SOS1: variants seen among roughly 807,000 people sequenced by gnomAD.
SOS1 encodes the protein son of sevenless homolog 1.
In SOS1, 25 loss-of-function variants were observed where a neutral mutation model predicts 157.6. That is an observed-to-expected ratio of 0.16 (90% CI 0.12 to 0.22). The LOEUF (loss-of-function observed/expected upper bound fraction) is 0.22. Ranked by LOEUF, SOS1 falls within the 10% of genes least tolerant of loss-of-function variation. The pLI, the probability that SOS1 is intolerant of heterozygous loss-of-function variation, is 1.00. For synonymous variants in SOS1, 528 were observed against 534.0 expected, an observed-to-expected ratio of 0.99 and a Z score of 0.16; for missense variants, 1,237 against 1,599.1, an observed-to-expected ratio of 0.77 and a Z score of 3.86.
chr2:39,059,648 T>C (rs931703009), intron 2 of SOS1, among the ~76,000 whole-genome samples: 2 of 152,128 alleles, frequency 1.3e-5, no homozygotes, highest in African/African-American at 2.4e-5. Flanking sequence ...ATCATCATAA[T>C]TATAAATCTG....
chr2:39,035,148 G>C, intron 8 of SOS1, 64 bp downstream of exon 8: 1 of 1,037,130 alleles, frequency 9.6e-7, no homozygotes, highest in South Asian at 1.4e-5. Context: ...ATTTACAAAT[G>C]AAGTAGCAAA....
At chr2:39,110,665 T>C (rs1483338075) in intron 1 of SOS1, among the ~76,000 whole-genome samples, 3 of 152,188 alleles carry the variant, frequency 2.0e-5, no homozygotes, top group African/African-American at 4.8e-5. Flanking sequence ...AACAATTAAC[T>C]TGAAATGGAC....
At chr2:39,117,855 C>A (rs1396078141) in intron 1 of SOS1, among the ~76,000 whole-genome samples, 1 of 152,044 alleles carries the variant, frequency 6.6e-6, no homozygotes, top group Non-Finnish European at 1.5e-5. Context: ...CAGAGATGAC[C>A]CCAACATTTT....
chr2:39,095,110 T>C (rs1672724849), intron 1 of SOS1, among the ~76,000 whole-genome samples: 1 of 152,200 alleles, frequency 6.6e-6, no homozygotes, highest in South Asian at 2.1e-4. Flanking sequence ...TGAATGAAGT[T>C]TAAAAACCTC....
chr2:38,997,477 T>TA (rs768192673), intron 17 of SOS1, 52 bp from the exon 18 acceptor site: 1 of 1,349,322 alleles, frequency 7.4e-7, no homozygotes, highest in Non-Finnish European at 1.1e-6. Context: ...AATGCAAGTT[T>TA]TTTTCTGTTT....
At chr2:39,068,541 G>A (rs1255303964) in intron 1 of SOS1, among the ~76,000 whole-genome samples, 2 of 152,176 alleles carry the variant, frequency 1.3e-5, no homozygotes, top group Non-Finnish European at 2.9e-5. Context: ...GCACTGTGCA[G>A]GCACGCATAT....
chr2:38,982,168 A>G lies in SOS1; in HGVS notation c.*3656T>C, dbSNP rs1668419863. On this transcript the variant is annotated 3_prime_UTR_variant, in exon 23 of 23. Coordinates refer to ENST00000402219, the MANE Select transcript of SOS1 (RefSeq NM_005633.4). ...ATTGGCTACTTAATGCACTATTTTC[A>G]TTAAAGGCAAAAGGGAAATTTGCTC... The G allele has an allele frequency of 6.6e-6, 1 of 152,154 alleles. No individual in the cohort carries two copies. The highest frequency in any genetic ancestry group is 6.6e-5 in the Admixed American group (1 of 15,264). 9.4% of individuals were successfully genotyped at this position (152,154 alleles called of 1,614,324 possible).
At chr2:39,004,624 A>G (rs1323532425) in intron 17 of SOS1, among the ~76,000 whole-genome samples, 1 of 152,106 alleles carries the variant, frequency 6.6e-6, no homozygotes, top group African/African-American at 2.4e-5. Flanking sequence ...ACTAGATTAT[A>G]TGAACTTTCT....
chr2:39,051,163 C>T lies in SOS1; in HGVS notation c.845G>A (p.Cys282Tyr), dbSNP rs1281947981. 6.2e-7 allele frequency: 1 copy of T among 1,613,794 alleles called. No individual in the cohort carries two copies. Among genetic ancestry groups the T allele is most frequent in the Middle Eastern group, 1.7e-4 (1 of 6,058 alleles). Residue 282 changes from cysteine to tyrosine, a missense_variant, in exon 6 of 23, where the codon TGC becomes TAC. Transcript: ENST00000402219. ...EGSPHPLVGS[C>Y]FEDLAEELAF... ...ACTTACCTCTGCTAAGTCTTCAAAG[C>T]AGCTTCCTACTAGTGGATGGGGACT... is the stretch of plus-strand genomic sequence containing the variant.
At chr2:39,003,879 T>C (rs1214051475) in intron 17 of SOS1, among the ~76,000 whole-genome samples, 1 of 152,182 alleles carries the variant, frequency 6.6e-6, no homozygotes, top group Non-Finnish European at 1.5e-5. Context: ...TACTTACTTA[T>C]TGGCTGTGGG....
At chr2:39,057,096 C>T (rs2124607958) in intron 3 of SOS1, among the ~76,000 whole-genome samples, 1 of 152,204 alleles carries the variant, frequency 6.6e-6, no homozygotes, top group Non-Finnish European at 1.5e-5. Flanking sequence ...ATGTAAAATA[C>T]TTAAGCGGAG....
chr2:39,086,859 C>G (rs1016776068), intron 1 of SOS1, among the ~76,000 whole-genome samples: 4 of 152,108 alleles, frequency 2.6e-5, no homozygotes, highest in African/African-American at 9.7e-5. Context: ...GTCACCCAGG[C>G]TGGAGTGCAG....
At chr2:39,047,676 G>A (rs958408845) in intron 6 of SOS1, among the ~76,000 whole-genome samples, 3 of 152,054 alleles carry the variant, frequency 2.0e-5, no homozygotes, top group Admixed American at 2.0e-4. Context: ...TTTGTTTTTG[G>A]GTTGTTTTCT....
chr2:39,048,503 C>A (rs1031495271), intron 6 of SOS1, among the ~76,000 whole-genome samples: 2 of 152,020 alleles, frequency 1.3e-5, no homozygotes, highest in African/African-American at 4.8e-5. Flanking sequence ...CAGGTTCAAG[C>A]AATTCTCGTG....
At chr2:39,047,078 T>G (rs1226570831) in intron 6 of SOS1, among the ~76,000 whole-genome samples, 1 of 152,148 alleles carries the variant, frequency 6.6e-6, no homozygotes, top group Non-Finnish European at 1.5e-5. Flanking sequence ...GATAAAGAAA[T>G]AGAACATTTC....
rs532655044 is a variant in SOS1 at position 39,120,710 on chromosome 2, C to T, written c.-288G>A. 2.5e-3 allele frequency among the ~76,000 whole-genome samples: 371 copies of T among 146,856 alleles called. 1 individual carries two copies. The highest frequency in any genetic ancestry group is 3.4e-3 in the Non-Finnish European group (222 of 65,930). ...GCCAGGCCCCCCGCCCCTCCCCGGC[C>T]CGCCGGCGCCGCCCCGGGCTGCCCT... On this transcript the variant is annotated 5_prime_UTR_variant, in exon 1 of 23. Transcript: ENST00000402219.
chr2:39,030,297 C>T (rs1572836985), intron 8 of SOS1, among the ~76,000 whole-genome samples: 2 of 148,812 alleles, frequency 1.3e-5, no homozygotes, highest in East Asian at 3.9e-4. Context: ...GGTGCATTGG[C>T]TCATGCCATT....
intron 8 of SOS1, among the ~76,000 whole-genome samples, chr2:39,027,107 T>C (rs999437523): frequency 8.5e-5 from 13 of 152,222 alleles, no homozygotes; most frequent in Admixed American, 4.6e-4. Context: ...TAGCAGAATA[T>C]TGAGCATTTG....
intron 1 of SOS1, among the ~76,000 whole-genome samples, chr2:39,082,856 G>C (rs1672255242): frequency 6.6e-6 from 1 of 152,150 alleles, no homozygotes; most frequent in African/African-American, 2.4e-5. Context: ...CATACACGTA[G>C]ACTGGGTGGT....
Sources: gnomAD v4.1 joint callset for allele counts (sites outside exome capture counted in the v4.1 genomes callset) on GRCh38, gnomAD v4.1.1 for gene constraint, MANE v1.5 for transcripts, NCBI Gene and HGNC (gene_info 2026-07-23, HGNC 2026-07-21) for gene names.